PAXIP1: variants seen among roughly 807,000 people sequenced by gnomAD.
PAXIP1 encodes PAX-interacting protein 1.
PAXIP1 carries 19 observed loss-of-function variants against 140.6 expected under a neutral mutation model. The observed-to-expected ratio is 0.14, with a 90% CI of 0.09 to 0.20. PAXIP1 has a LOEUF of 0.20. PAXIP1 is among the 10% of genes least tolerant of loss of function. PAXIP1 has a pLI of 1.00. For missense variants in PAXIP1, 920 were observed against 1,208.6 expected (o/e 0.76, Z 3.54); for synonymous variants, 442 against 444.6 (o/e 0.99, Z 0.07).
chr7:154,960,225 C>G (rs369535060), intron 12 of PAXIP1, among the ~76,000 whole-genome samples: 1 of 152,136 alleles, frequency 6.6e-6, no homozygotes, highest in Non-Finnish European at 1.5e-5. Context: ...ACCCTCCCAC[C>G]GTGGGTTGTC....
chr7:154,993,248 G>C (rs1810429383), intron 3 of PAXIP1, among the ~76,000 whole-genome samples: 1 of 152,150 alleles, frequency 6.6e-6, no homozygotes, highest in Non-Finnish European at 1.5e-5. Flanking sequence ...GGGCAGAAAT[G>C]GTCTTCTTCA....
In PAXIP1 at chr7:154,986,892, A is replaced by G. The variant is rs1207679439; in HGVS notation, c.325-3560T>C. The stretch of plus-strand genomic sequence containing the variant: ...TGAATTTGCTAAAAGGATATAAAAT[A>G]CTATCAAAGAGCTTGCTAAGAAATT... On this transcript the variant is annotated intron_variant, in intron 4 of 20. Transcript: ENST00000404141. The surrounding 1 kb of genome is among the most constrained non-coding windows in gnomAD (Gnocchi z 4.8). 6.6e-6 allele frequency among the ~76,000 whole-genome samples: 1 copy of G among 152,216 alleles called. No homozygotes were observed. Among genetic ancestry groups the G allele is most frequent in the East Asian group, 1.9e-4 (1 of 5,194 alleles).
rs1249325191 is a variant in PAXIP1, at chr7:154,968,890, C to T, written c.1311G>A (p.Gln437=). 1.8e-6 allele frequency: 2 copies of T among 1,114,036 alleles called. No individual in the cohort carries two copies. The highest frequency in any genetic ancestry group is 1.6e-5 in the African/African-American group (1 of 64,200). 69.0% of individuals were successfully genotyped at this position (1,114,036 alleles called of 1,614,324 possible). A position where few individuals can be genotyped will look rare whatever the true frequency, so the allele number is the denominator to read the frequency against. ...LQQQQQQQIS[Q]QPYPQQPPHP... is the part of the protein sequence containing the mutation. ...GCGGCGGCTGCTGGGGGTAAGGTTGCTGAGAGATCTGCTGCTGCTGCTGCT... is the reference window on the plus strand; with the variant it reads ...GCGGCGGCTGCTGGGGGTAAGGTTGTTGAGAGATCTGCTGCTGCTGCTGCT... Residue 437 remains glutamine (Q), a synonymous_variant, in exon 7 of 21, where the codon CAG becomes CAA. Coordinates refer to ENST00000404141, the MANE Select transcript of PAXIP1 (RefSeq NM_007349.4).
intron 16 of PAXIP1, 44 bp from the exon 17 acceptor site, chr7:154,948,047 G>T (rs1318307214): frequency 2.2e-6 from 3 of 1,365,072 alleles, no homozygotes; most frequent in Admixed American, 1.7e-5. Flanking sequence ...GTGGACACGT[G>T]AAGTGTGGCA....
intron 5 of PAXIP1, among the ~76,000 whole-genome samples, chr7:154,981,922 G>C (rs995361424): frequency 6.6e-6 from 1 of 151,992 alleles, no homozygotes; most frequent in Non-Finnish European, 1.5e-5. Context: ...TTTTGGAAGG[G>C]GAAAAAACGC....
intron 16 of PAXIP1, chr7:154,951,191 CTA>C (rs1808258280): frequency 6.6e-6 from 1 of 152,156 alleles, no homozygotes; most frequent in African/African-American, 2.4e-5. Flanking sequence ...AGAGTGAGCC[CTA>C]ATGTAACTAT....
Position 154,973,360 on chromosome 7 carries a change from C to T in PAXIP1, c.1074+2336G>A, listed in dbSNP as rs77749424. 2.8e-3 allele frequency among the ~76,000 whole-genome samples: 423 copies of T among 152,310 alleles called. 1 individual carries two copies. Among genetic ancestry groups the T allele is most frequent in the African/African-American group, 8.8e-3 (365 of 41,562 alleles). Reference sequence around the variant, plus strand: ...TCAGTTACAAGGCACTGTCACCACCCAGGACTTGAGGAAGGCCAGCTCGGC... The same window carrying T: ...TCAGTTACAAGGCACTGTCACCACCTAGGACTTGAGGAAGGCCAGCTCGGC... On this transcript the variant is annotated intron_variant, in intron 6 of 20. Transcript: ENST00000404141. The surrounding 1 kb of genome is among the most constrained non-coding windows in gnomAD (Gnocchi z 4.0).
intron 6 of PAXIP1, among the ~76,000 whole-genome samples, chr7:154,975,160 A>G (rs1809513407): frequency 6.7e-6 from 1 of 149,638 alleles, no homozygotes; most frequent in South Asian, 2.1e-4. Context: ...CCATCTCAAA[A>G]AAAAAAAAAA....
Position 154,961,541 on chromosome 7 carries a change from G to A in PAXIP1, c.2235C>T (p.Val745=). 6.2e-7 allele frequency: 1 copy of A among 1,605,872 alleles called. No individual in the cohort carries two copies. Among genetic ancestry groups the A allele is most frequent in the South Asian group, 1.1e-5 (1 of 89,476 alleles). ...AATTTGCTTACTCTTTACAGATGAG[G>A]ACTGTGTTGCTGCGGCATAGATAAC... The part of the protein sequence containing the change: ...YTGYLCRSNT[V]LICKEPTGLK... The change falls in exon 11 of 21, where the codon GTC becomes GTT. Residue 745 remains valine (V), a synonymous_variant. Transcript: ENST00000404141.
Position 154,968,513 on chromosome 7 carries a change from G to C in PAXIP1, c.1688C>G (p.Ala563Gly), listed in dbSNP as rs1055680929. ...TAPHLSQTSQ[A>G]LQHQVPPQQP... is the part of the protein sequence containing the mutation. ...CTGAGGTGGAACCTGATGCTGCAGCGCCTGTGACGTCTGACTCAAGTGTGG... is the reference window on the plus strand; with the variant it reads ...CTGAGGTGGAACCTGATGCTGCAGCCCCTGTGACGTCTGACTCAAGTGTGG... The change falls in exon 7 of 21, where the codon GCG becomes GGG. Residue 563 changes from alanine to glycine, a missense_variant. Transcript: ENST00000404141. 3 of 843,244 alleles carry C rather than the reference G, an allele frequency of 3.6e-6. No individual in the cohort carries two copies. The highest frequency in any genetic ancestry group is 6.0e-6 in the Non-Finnish European group (3 of 500,520). The allele number at this position is 843,244 out of a possible 1,614,324, so 52.2% of individuals were successfully genotyped here. A position where few individuals can be genotyped will look rare whatever the true frequency, so the allele number is the denominator to read the frequency against.
chr7:154,950,205 G>A (rs954644503), intron 16 of PAXIP1: 1 of 152,074 alleles, frequency 6.6e-6, no homozygotes, highest in Non-Finnish European at 1.5e-5. Flanking sequence ...AACAAATGAT[G>A]CTGGAACAAC....
At chr7:155,000,424 T>C (rs1346907161) in intron 1 of PAXIP1, 3 of 152,270 alleles carry the variant, frequency 2.0e-5, no homozygotes, top group African/African-American at 7.2e-5. Flanking sequence ...CTTCATGAGT[T>C]TCCCTGTCCA....
rs374634088 is a variant in PAXIP1, at chr7:154,944,164, T to C, written c.3195A>G (p.Ser1065=). ...CTAGACGCCATCAGTTAAACTTATA[T>C]GTAGGCTTGTTGAGGAAAACGACTT... ...GVLTQTLDYE[S]YKFN is the part of the protein sequence containing the mutation. The change falls in exon 21 of 21, where the codon TCA becomes TCG. Residue 1065 remains serine, a splice_region_variant and synonymous_variant. Coordinates refer to ENST00000404141, the MANE Select transcript of PAXIP1 (RefSeq NM_007349.4). The C allele has an allele frequency of 2.3e-5, 37 of 1,604,842 alleles. No individual in the cohort carries two copies. Among genetic ancestry groups the C allele is most frequent in the Non-Finnish European group, 2.6e-5 (30 of 1,174,006 alleles).
At chr7:155,002,779 CGGGGA>C in intron 1 of PAXIP1, 65 bp downstream of exon 1, 1 of 816,302 alleles carries the variant, frequency 1.2e-6, no homozygotes, top group Non-Finnish European at 1.6e-6. Context: ...GGAGCGGGGA[CGGGGA>C]CGGGGACGGG....
Position 155,002,925 on chromosome 7 carries a change from G to A in PAXIP1, c.5C>T (p.Ser2Leu). M[S>L]DQAPKVPEEM... The stretch of plus-strand genomic sequence containing the variant: ...CTCAGGAACTTTGGGCGCCTGGTCC[G>A]ACATGATCGCGGCGGCCCGGGAGGC... Residue 2 changes from serine to leucine, a missense_variant, in exon 1 of 21, where the codon TCG (serine) becomes TTG (leucine). Coordinates refer to ENST00000404141, the MANE Select transcript of PAXIP1 (RefSeq NM_007349.4). 17 of 1,331,374 alleles carry A rather than the reference G, an allele frequency of 1.3e-5. No homozygotes were observed. Among genetic ancestry groups the A allele is most frequent in the Non-Finnish European group, 1.6e-5 (16 of 1,016,320 alleles). The allele number at this position is 1,331,374 out of a possible 1,614,324, so 82.5% of individuals were successfully genotyped here. A position where few individuals can be genotyped will look rare whatever the true frequency, so the allele number is the denominator to read the frequency against.
intron 6 of PAXIP1, among the ~76,000 whole-genome samples, chr7:154,972,410 A>G (rs1563375505): frequency 6.6e-6 from 1 of 152,196 alleles, no homozygotes; most frequent in East Asian, 1.9e-4. Context: ...AATCGCCTAA[A>G]CCAGGGAGGT....
intron 2 of PAXIP1, among the ~76,000 whole-genome samples, chr7:154,993,998 A>G (rs548553535): frequency 7.2e-5 from 11 of 152,180 alleles, no homozygotes; most frequent in Non-Finnish European, 1.2e-4. Flanking sequence ...TTTTAAAATT[A>G]TGTATAAACA....
intron 16 of PAXIP1, among the ~76,000 whole-genome samples, chr7:154,953,526 G>C (rs1470029848): frequency 6.6e-6 from 1 of 152,158 alleles, no homozygotes; most frequent in African/African-American, 2.4e-5. Flanking sequence ...GGGGAGGATG[G>C]AGGACACAGC....
intron 4 of PAXIP1, 85 bp from the exon 5 acceptor site, chr7:154,983,417 A>G: frequency 1.5e-6 from 1 of 674,996 alleles, no homozygotes; most frequent in Non-Finnish European, 2.6e-6. Flanking sequence ...ATACTGCAAC[A>G]ATTCTGTTTC....
Sources: gnomAD v4.1 joint callset for allele counts (sites outside exome capture counted in the v4.1 genomes callset) on GRCh38, gnomAD v4.1.1 for gene constraint, Gnocchi (gnomAD v3.1) non-coding constraint, MANE v1.5 for transcripts, NCBI Gene and HGNC (gene_info 2026-07-23, HGNC 2026-07-21) for gene names.